Variants in ZNF665 observed in about 807,000 individuals in gnomAD.
ZNF665 encodes zinc finger protein 665.
Under a neutral mutation model 7.9 loss-of-function variants are expected in ZNF665, and 6 were observed. That is an observed-to-expected ratio of 0.76 (90% CI 0.42 to 1.50). ZNF665 has a LOEUF of 1.50. Ranked by LOEUF, ZNF665 falls within the 40% of genes most tolerant of loss-of-function variation. The pLI, the probability that ZNF665 is intolerant of heterozygous loss-of-function variation, is 0.01. For synonymous variants in ZNF665, 242 were observed against 274.5 expected (o/e 0.88, Z 1.17); for missense variants, 819 against 806.7 (o/e 1.02, Z -0.18).
rs1244003481 is a variant in ZNF665 at position 53,162,692 on chromosome 19, A to C, written c.*1761T>G. On this transcript the variant is annotated 3_prime_UTR_variant, in exon 4 of 4. Coordinates refer to ENST00000396424, the MANE Select transcript of ZNF665 (RefSeq NM_024733.5). ...ACATAGTGAAACTCCATCTCTACTA[A>C]AAATACAAACATTAGCCAGGCGTGG... The C allele has an allele frequency of 6.6e-6, 1 of 151,954 alleles. No homozygotes were observed. Among genetic ancestry groups the C allele is most frequent in the African/African-American group, 2.4e-5 (1 of 41,358 alleles). The allele number at this position is 151,954 out of a possible 1,614,324, so 9.4% of individuals were successfully genotyped here.
intron 2 of ZNF665, among the ~76,000 whole-genome samples, chr19:53,179,131 T>G (rs2090718346): frequency 2.0e-5 from 3 of 152,010 alleles, no homozygotes; most frequent in African/African-American, 7.2e-5. Flanking sequence ...CCCAGCACTT[T>G]GGGAGGCCGA....
At chr19:53,169,255 T>C (rs2090639716) in intron 3 of ZNF665, among the ~76,000 whole-genome samples, 1 of 152,016 alleles carries the variant, frequency 6.6e-6, no homozygotes, top group Non-Finnish European at 1.5e-5. Flanking sequence ...TGGAAAATGA[T>C]TTGAACATAC....
chr19:53,168,406 C>G (rs929474180), intron 3 of ZNF665, among the ~76,000 whole-genome samples: 4 of 151,994 alleles, frequency 2.6e-5, no homozygotes, highest in African/African-American at 9.7e-5. Flanking sequence ...ATATGAAGAA[C>G]CTATACACTA....
At chr19:53,191,922 C>T (rs2090820180) in intron 1 of ZNF665, 1 of 152,230 alleles carries the variant, frequency 6.6e-6, no homozygotes, top group African/African-American at 2.4e-5. Flanking sequence ...ATGAAACCAC[C>T]ATGCATCTGG....
chr19:53,191,194 T>G (rs1030717516), intron 1 of ZNF665, among the ~76,000 whole-genome samples: 2 of 152,184 alleles, frequency 1.3e-5, no homozygotes, highest in Non-Finnish European at 2.9e-5. Flanking sequence ...TCAGGTAGTG[T>G]TTGTTCAAGA....
intron 1 of ZNF665, chr19:53,190,470 C>CT (rs1381137137): frequency 1.3e-5 from 2 of 152,228 alleles, no homozygotes; most frequent in African/African-American, 2.4e-5. Context: ...CAATTTCACT[C>CT]CACTCTGACA....
At chr19:53,167,396 T>C (rs1379484301) in intron 3 of ZNF665, among the ~76,000 whole-genome samples, 1 of 151,920 alleles carries the variant, frequency 6.6e-6, no homozygotes, top group Non-Finnish European at 1.5e-5. Flanking sequence ...ATATAAGCAG[T>C]AGGCAAGAAT....
At chr19:53,171,083 G>A (rs2090653738) in intron 3 of ZNF665, among the ~76,000 whole-genome samples, 1 of 151,840 alleles carries the variant, frequency 6.6e-6, no homozygotes, top group Non-Finnish European at 1.5e-5. Context: ...CTCCCGGGTT[G>A]AAGCAATTTT....
chr19:53,176,076 A>C (rs2090695852), intron 2 of ZNF665, among the ~76,000 whole-genome samples: 1 of 152,124 alleles, frequency 6.6e-6, no homozygotes, highest in Non-Finnish European at 1.5e-5. Context: ...CAGCAGAATC[A>C]CTTGAACCTG....
rs1368557063 is a variant in ZNF665, at chr19:53,180,529, T to C, written c.15+2355A>G. ...AAACACATACAATTTATTTAAATGATGGTATGTCTTTTATAAAACCATGGG... is the reference window on the plus strand; with the variant it reads ...AAACACATACAATTTATTTAAATGACGGTATGTCTTTTATAAAACCATGGG... On this transcript the variant is annotated intron_variant, in intron 2 of 3. Transcript: ENST00000396424. The C allele has an allele frequency of 3.3e-5, 5 of 152,206 alleles. No homozygotes were observed. In the East Asian group the frequency reaches 7.7e-4, roughly 23 times the overall value. 9.4% of individuals were successfully genotyped at this position (152,206 alleles called of 1,614,324 possible).
In ZNF665 at chr19:53,182,910, T is replaced by C; in HGVS notation, c.-12A>G. ...TGAGGAAGAGCCATCCCTGACTCCT[T>C]TGCCTTCCTCTTCCTCTTCTTCCAG... On this transcript the variant is annotated 5_prime_UTR_variant, in exon 2 of 4. Transcript: ENST00000396424. The C allele has an allele frequency of 6.2e-7, 1 of 1,610,356 alleles. No homozygotes were observed. Among genetic ancestry groups the C allele is most frequent in the Non-Finnish European group, 8.5e-7 (1 of 1,179,936 alleles).
In ZNF665 at chr19:53,165,387, T is replaced by G. The variant is rs762575567; in HGVS notation, c.1103A>C (p.His368Pro). 4 of 1,614,228 alleles carry G rather than the reference T, an allele frequency of 2.5e-6. No individual in the cohort carries two copies. The highest frequency in any genetic ancestry group is 3.4e-6 in the Non-Finnish European group (4 of 1,180,036). ...NSYLAKHRRIHTGEKPYKCNE... is the reference protein window; with the variant it reads ...NSYLAKHRRIPTGEKPYKCNE... ...ACACTTGTAAGGTTTCTCACCAGTA[T>G]GAATTCGCCGATGCTTTGCAAGGTA... The change falls in exon 4 of 4, where the codon CAT (histidine) becomes CCT (proline). Residue 368 changes from histidine (H) to proline (P), a missense_variant. Transcript: ENST00000396424.
chr19:53,191,144 T>G (rs2090813978), intron 1 of ZNF665, among the ~76,000 whole-genome samples: 1 of 152,164 alleles, frequency 6.6e-6, no homozygotes, highest in Non-Finnish European at 1.5e-5. Context: ...ATGCTAACTC[T>G]GGGTAGACAG....
rs774834124 is a variant in ZNF665 at position 53,164,980 on chromosome 19, G to A, written c.1510C>T (p.His504Tyr). The change falls in exon 4 of 4, where the codon CAT becomes TAT. Residue 504 changes from histidine to tyrosine, a missense_variant. His to Tyr is a moderately conservative substitution (Grantham distance 83). Transcript: ENST00000396424. ...AFSQTSQLAR[H>Y]WRVHTGEKPY... is the part of the protein sequence containing the mutation. ...TTTTCTCCAGTATGAACTCTCCAAT[G>A]CCTTGCAAGTTGTGATGTTTGACTG... 7.4e-6 allele frequency: 12 copies of A among 1,614,004 alleles called. No homozygotes were observed. The highest frequency in any genetic ancestry group is 1.0e-5 in the Non-Finnish European group (12 of 1,179,954).
At chr19:53,190,162 C>T (rs1483945404) in intron 1 of ZNF665, 1 of 152,178 alleles carries the variant, frequency 6.6e-6, no homozygotes, top group Non-Finnish European at 1.5e-5. Context: ...TATACTGGAA[C>T]AGCTCGTGTT....
At chr19:53,177,673 G>C (rs935771992) in intron 2 of ZNF665, among the ~76,000 whole-genome samples, 1 of 152,188 alleles carries the variant, frequency 6.6e-6, no homozygotes, top group Non-Finnish European at 1.5e-5. Context: ...AATGAGTGGT[G>C]TCTTCAACGA....
intron 3 of ZNF665, among the ~76,000 whole-genome samples, chr19:53,171,524 A>ATATATATATATTTT (rs372855271): frequency 1.2e-3 from 85 of 69,324 alleles, no homozygotes; most frequent in East Asian, 3.9e-3. Context: ...ATATATATAT[A>ATATATATATATTTT]TTTTTTTTTT....
intron 3 of ZNF665, among the ~76,000 whole-genome samples, chr19:53,171,965 G>A (rs1262582591): frequency 6.6e-6 from 1 of 151,916 alleles, no homozygotes; most frequent in Non-Finnish European, 1.5e-5. Flanking sequence ...ATGTTGGCCA[G>A]CTGGTCTCGA....
rs768912696 is a variant in ZNF665 at position 53,164,559 on chromosome 19, T to C, written c.1931A>G (p.His644Arg). Residue 644 changes from histidine to arginine, a missense_variant, in exon 4 of 4, where the codon CAT becomes CGT. Transcript: ENST00000396424. ...AFSVRSTLTT[H>R]MAVHTGDKPY... is the part of the protein sequence containing the mutation. Reference sequence around the variant, plus strand: ...TTTGTCTCCAGTATGGACTGCCATATGGGTAGTTAGGGTTGAACGAACACT... The same window carrying C: ...TTTGTCTCCAGTATGGACTGCCATACGGGTAGTTAGGGTTGAACGAACACT... 7 of 1,614,038 alleles carry C rather than the reference T, an allele frequency of 4.3e-6. No individual in the cohort carries two copies. The highest frequency in any genetic ancestry group is 1.6e-4 in the Middle Eastern group (1 of 6,084).
Sources: allele counts gnomAD v4.1 joint callset (sites outside exome capture counted in the v4.1 genomes callset), GRCh38; gene constraint gnomAD v4.1.1; transcripts MANE v1.5; gene names NCBI Gene and HGNC (gene_info 2026-07-23, HGNC 2026-07-21).